USP15: variants seen among roughly 807,000 people sequenced by gnomAD.
USP15 encodes the protein ubiquitin specific peptidase 15, also known as ubiquitin carboxyl-terminal hydrolase 15.
Under a neutral mutation model 127.1 loss-of-function variants are expected in USP15, and 18 were observed. The observed-to-expected ratio is 0.14, with a 90% CI of 0.10 to 0.21. USP15 has a LOEUF of 0.21. Among genes scored for constraint, USP15 ranks in the 10% least tolerant of loss-of-function variants. The pLI, the probability that USP15 is intolerant of heterozygous loss-of-function variation, is 1.00. For synonymous variants in USP15, 364 were observed against 393.7 expected, an observed-to-expected ratio of 0.92 and a Z score of 0.89; for missense variants, 805 against 1,159.9, an observed-to-expected ratio of 0.69 and a Z score of 4.44.
At chr12:62,308,384 T>C (rs2137223531) in intron 3 of USP15, among the ~76,000 whole-genome samples, 1 of 152,156 alleles carries the variant, frequency 6.6e-6, no homozygotes, top group South Asian at 2.1e-4. Context: ...TTTCCCACAT[T>C]GTACGACAGT....
intron 7 of USP15, among the ~76,000 whole-genome samples, chr12:62,354,269 A>ATTAT (rs2066052965): frequency 3.9e-5 from 6 of 151,964 alleles, no homozygotes; most frequent in Non-Finnish European, 7.4e-5. Context: ...AATTATAAGA[A>ATTAT]AAAACTACTT....
rs2068060415 is a variant in USP15, at chr12:62,412,410, A to G, written c.*8035A>G. 1 of 152,242 alleles carries G rather than the reference A, an allele frequency of 6.6e-6. No homozygotes were observed. Among genetic ancestry groups the G allele is most frequent in the South Asian group, 2.1e-4 (1 of 4,834 alleles). The allele number at this position is 152,242 out of a possible 1,614,324, so 9.4% of individuals were successfully genotyped here. A position where few individuals can be genotyped will look rare whatever the true frequency, so the allele number is the denominator to read the frequency against. On this transcript the variant is annotated 3_prime_UTR_variant, in exon 22 of 22. Transcript: ENST00000280377. ...TCATCAATTGACTCTTCCTTTTACA[A>G]GAGATTTCTCTGGCATGCAGTGCTA...
At chr12:62,351,328 T>C (rs2065961286) in intron 7 of USP15, among the ~76,000 whole-genome samples, 1 of 151,132 alleles carries the variant, frequency 6.6e-6, no homozygotes, top group Non-Finnish European at 1.5e-5. Flanking sequence ...CGTAATTTGG[T>C]TTGTATTACA....
rs114602319 is a variant in USP15, at chr12:62,403,401, T to C, written c.2764-792T>C. ...GTTGTCACAGAAGCAAAAAATTGTT[T>C]GTTGATAGGAAAAGAAATAGTGAAG... is the stretch of plus-strand genomic sequence containing the variant. On this transcript the variant is annotated intron_variant, in intron 21 of 21. Transcript: ENST00000280377. Among the ~76,000 whole-genome samples the C allele has an allele frequency of 9.3e-4, 142 of 152,142 alleles. 1 individual carries two copies. The highest frequency in any genetic ancestry group is 3.2e-3 in the African/African-American group (132 of 41,540).
At chr12:62,352,170 T>G (rs1463484853) in intron 7 of USP15, among the ~76,000 whole-genome samples, 3 of 151,812 alleles carry the variant, frequency 2.0e-5, no homozygotes, top group South Asian at 4.1e-4. Flanking sequence ...CTGATACATT[T>G]CTAAGATATA....
Position 62,358,200 on chromosome 12 carries a change from G to A in USP15, c.915+2725G>A, listed in dbSNP as rs371802234. On this transcript the variant is annotated intron_variant, in intron 8 of 21. Transcript: ENST00000280377. ...TAAAAAGTATACTTTTTTAATGTAAGCGTGGGTTATACTTAGCCCATCAGT... is the reference window on the plus strand; with the variant it reads ...TAAAAAGTATACTTTTTTAATGTAAACGTGGGTTATACTTAGCCCATCAGT... 3.3e-5 allele frequency among the ~76,000 whole-genome samples: 5 copies of A among 151,928 alleles called. No individual in the cohort carries two copies. In the East Asian group the frequency reaches 5.8e-4, roughly 18 times the overall value.
intron 8 of USP15, among the ~76,000 whole-genome samples, chr12:62,380,785 A>G (rs1479671539): frequency 3.9e-5 from 6 of 152,078 alleles, no homozygotes; most frequent in Admixed American, 1.3e-4. Context: ...GAAAAATTGT[A>G]CGTCTGCCAT....
intron 1 of USP15, among the ~76,000 whole-genome samples, chr12:62,281,029 A>G (rs1169629868): frequency 6.6e-6 from 1 of 152,166 alleles, no homozygotes; most frequent in African/African-American, 2.4e-5. Context: ...TACCATTGAG[A>G]ATATATGAAT....
chr12:62,287,349 C>T (rs541112201), intron 1 of USP15, among the ~76,000 whole-genome samples: 10 of 152,162 alleles, frequency 6.6e-5, no homozygotes, highest in Admixed American at 2.0e-4. Context: ...TTTTTTAAAA[C>T]GAATTTATGA....
intron 4 of USP15, among the ~76,000 whole-genome samples, chr12:62,318,110 G>C (rs886912714): frequency 2.0e-5 from 3 of 152,138 alleles, no homozygotes; most frequent in Non-Finnish European, 4.4e-5. Context: ...CACACTGTCA[G>C]TCCTTTGACC....
intron 21 of USP15, among the ~76,000 whole-genome samples, chr12:62,402,296 G>T (rs1172384151): frequency 6.6e-6 from 1 of 151,940 alleles, no homozygotes; most frequent in Non-Finnish European, 1.5e-5. Context: ...GAGTTAAAAA[G>T]ATAGCTGTCA....
At chr12:62,303,918 A>G (rs956847604) in intron 3 of USP15, among the ~76,000 whole-genome samples, 8 of 152,158 alleles carry the variant, frequency 5.3e-5, no homozygotes, top group South Asian at 4.1e-4. Context: ...GATCTGTGAA[A>G]TGATCTAGTT....
In USP15 at chr12:62,260,521, A is replaced by G; in HGVS notation, c.89+18A>G. On this transcript the variant is annotated intron_variant, in intron 1 of 21. Transcript: ENST00000280377. ...GACACCTGGTAAGAGAAAGGGGTTG[A>G]GATGCCCGCGGTTGCCCGAGGATAG... 1 of 1,549,724 alleles carries G rather than the reference A, an allele frequency of 6.5e-7. No homozygotes were observed. Among genetic ancestry groups the G allele is most frequent in the Non-Finnish European group, 8.7e-7 (1 of 1,146,162 alleles).
intron 1 of USP15, among the ~76,000 whole-genome samples, chr12:62,283,518 A>T (rs1049334563): frequency 6.6e-6 from 1 of 152,192 alleles, no homozygotes; most frequent in African/African-American, 2.4e-5. Context: ...TAGGAATACA[A>T]TTAGAAAGGA....
chr12:62,264,528 G>T (rs2063149817), intron 1 of USP15, among the ~76,000 whole-genome samples: 1 of 152,186 alleles, frequency 6.6e-6, no homozygotes, highest in Non-Finnish European at 1.5e-5. Context: ...ACTTTACAGA[G>T]TAAGTAATTT....
At chr12:62,283,559 A>G (rs2063709890) in intron 1 of USP15, among the ~76,000 whole-genome samples, 1 of 152,230 alleles carries the variant, frequency 6.6e-6, no homozygotes, top group Non-Finnish European at 1.5e-5. Context: ...CAGCAACAGT[A>G]TGAGTTTTTA....
intron 6 of USP15, among the ~76,000 whole-genome samples, chr12:62,345,314 G>T (rs561957189): frequency 2.8e-5 from 4 of 144,212 alleles, no homozygotes; most frequent in African/African-American, 1.1e-4. Flanking sequence ...CAGTCTCTTT[G>T]CTAAAACATA....
At position 62,276,149 on chromosome 12, in the gene USP15, C is replaced by A. The variant is rs894220588; in HGVS notation, c.89+15646C>A. 3.3e-5 allele frequency among the ~76,000 whole-genome samples: 5 copies of A among 152,150 alleles called. No homozygotes were observed. The South Asian group carries it at 8.3e-4, about 25-fold the overall frequency. ...TAAAATTCCTTGTAATCCTCTGAAA[C>A]AGGAAGATTATAGTGATTAAGCCAT... On this transcript the variant is annotated intron_variant, in intron 1 of 21. Coordinates refer to ENST00000280377, the MANE Select transcript of USP15 (RefSeq NM_001252078.2).
chr12:62,381,643 G>C lies in USP15; in HGVS notation c.1069G>C (p.Val357Leu). Reference sequence around the variant, plus strand: ...AATGTGGTCTGGAAAGTTTAGCTACGTCACCCCAAGAGCCTTTAAGGTTAG... The same window carrying C: ...AATGTGGTCTGGAAAGTTTAGCTACCTCACCCCAAGAGCCTTTAAGGTTAG... ...KQMWSGKFSY[V>L]TPRAFKTQVG... Residue 357 changes from valine to leucine, a missense_variant, in exon 9 of 22, where the codon GTC becomes CTC. This residue lies in a region of USP15 where 84 missense variants were observed against 210.3 expected (regional missense o/e 0.40). Transcript: ENST00000280377. 1 of 1,611,656 alleles carries C rather than the reference G, an allele frequency of 6.2e-7. No homozygotes were observed. The highest frequency in any genetic ancestry group is 8.5e-7 in the Non-Finnish European group (1 of 1,178,442).
Sources: gnomAD v4.1 joint callset for allele counts (sites outside exome capture counted in the v4.1 genomes callset) on GRCh38, gnomAD v4.1.1 for gene constraint, gnomAD v4.1.1 regional missense constraint, MANE v1.5 for transcripts, NCBI Gene and HGNC (gene_info 2026-07-23, HGNC 2026-07-21) for gene names.